BNC2: variants seen among roughly 807,000 people sequenced by gnomAD.
The protein encoded by BNC2 is basonuclin zinc finger protein 2.
BNC2 carries 20 observed loss-of-function variants against 76.3 expected under a neutral mutation model. The observed-to-expected ratio is 0.26, with a 90% CI of 0.18 to 0.38. BNC2 has a LOEUF of 0.38. Ranked by LOEUF, BNC2 falls within the 10% of genes least tolerant of loss-of-function variation. The pLI is 1.00. For missense variants in BNC2, 1,382 were observed against 1,399.8 expected, an observed-to-expected ratio of 0.99 and a Z score of 0.20; for synonymous variants, 582 against 514.8, an observed-to-expected ratio of 1.13 and a Z score of -1.77.
At chr9:16,424,284 G>A (rs1392023248) in intron 6 of BNC2, among the ~76,000 whole-genome samples, 1 of 150,608 alleles carries the variant, frequency 6.6e-6, no homozygotes, top group Non-Finnish European at 1.5e-5. Context: ...AAAAAAACAA[G>A]TTGCATGACC....
chr9:16,786,501 A>C (rs1182685687), intron 1 of BNC2, among the ~76,000 whole-genome samples: 1 of 152,212 alleles, frequency 6.6e-6, no homozygotes, highest in East Asian at 1.9e-4. Flanking sequence ...AAAGATCAAC[A>C]AATATTAAAG....
chr9:16,850,599 G>A (rs1239852636), intron 1 of BNC2, among the ~76,000 whole-genome samples: 4 of 152,150 alleles, frequency 2.6e-5, no homozygotes, highest in Non-Finnish European at 5.9e-5. Flanking sequence ...GCTGGGGGTG[G>A]TAGCCCATGC....
intron 1 of BNC2, among the ~76,000 whole-genome samples, chr9:16,841,506 A>G (rs1449724224): frequency 6.7e-6 from 1 of 148,962 alleles, no homozygotes; most frequent in Admixed American, 6.8e-5. Flanking sequence ...CTGTATGTCC[A>G]TAATCAAACC....
chr9:16,468,038 CTCTT>C (rs1821731715), intron 5 of BNC2, among the ~76,000 whole-genome samples: 1 of 146,180 alleles, frequency 6.8e-6, no homozygotes, highest in African/African-American at 2.6e-5. Context: ...TTCTTTCTTT[CTCTT>C]TTTTTTTTTT....
chr9:16,792,549 T>A (rs1817541959), intron 1 of BNC2, among the ~76,000 whole-genome samples: 1 of 152,210 alleles, frequency 6.6e-6, no homozygotes, highest in South Asian at 2.1e-4. Flanking sequence ...TGCAGAGATC[T>A]GAGAAGCTAG....
intron 3 of BNC2, among the ~76,000 whole-genome samples, chr9:16,639,595 C>A (rs535733728): frequency 4.6e-5 from 7 of 151,920 alleles, no homozygotes; most frequent in African/African-American, 1.7e-4. Context: ...ATGAACCTTA[C>A]AACAACACAT....
chr9:16,817,592 T>C (rs1459713416), intron 1 of BNC2, among the ~76,000 whole-genome samples: 2 of 152,180 alleles, frequency 1.3e-5, no homozygotes, highest in African/African-American at 2.4e-5. Flanking sequence ...CTGAGCAGTA[T>C]TGATGAAAGC....
intron 1 of BNC2, among the ~76,000 whole-genome samples, chr9:16,803,437 A>G (rs559038283): frequency 1.3e-5 from 2 of 152,364 alleles, no homozygotes; most frequent in South Asian, 2.1e-4. Context: ...TATCCAGCAC[A>G]TAGCAAGCCT....
At chr9:16,632,334 C>A (rs553001113) in intron 3 of BNC2, among the ~76,000 whole-genome samples, 2 of 152,094 alleles carry the variant, frequency 1.3e-5, no homozygotes, top group Non-Finnish European at 2.9e-5. Context: ...GGATCCCCCA[C>A]ATTCGGTAAT....
At chr9:16,675,394 C>T (rs1401057662) in intron 3 of BNC2, among the ~76,000 whole-genome samples, 1 of 152,042 alleles carries the variant, frequency 6.6e-6, no homozygotes, top group African/African-American at 2.4e-5. Context: ...GCTGGGACTA[C>T]AAGCACATGT....
chr9:16,827,260 C>G (rs1422710066), intron 1 of BNC2, among the ~76,000 whole-genome samples: 1 of 152,192 alleles, frequency 6.6e-6, no homozygotes, highest in African/African-American at 2.4e-5. Context: ...TAATGTGTAA[C>G]TAGGAGAAAC....
At chr9:16,705,350 G>C (rs927762436) in intron 3 of BNC2, among the ~76,000 whole-genome samples, 1 of 152,162 alleles carries the variant, frequency 6.6e-6, no homozygotes, top group African/African-American at 2.4e-5. Context: ...CAGCTTTGAC[G>C]GGAAAGGAGT....
intron 3 of BNC2, among the ~76,000 whole-genome samples, chr9:16,659,333 C>T (rs946786245): frequency 1.6e-4 from 25 of 152,128 alleles, no homozygotes; most frequent in East Asian, 3.9e-4. Context: ...AAGCTTGCGG[C>T]GGGCACAGTG....
intron 3 of BNC2, among the ~76,000 whole-genome samples, chr9:16,667,510 G>A (rs556202175): frequency 1.3e-5 from 2 of 152,164 alleles, no homozygotes; most frequent in African/African-American, 2.4e-5. Flanking sequence ...ATCCTTAACA[G>A]TCCAAGAAAG....
chr9:16,792,487 G>A (rs1817540445), intron 1 of BNC2, among the ~76,000 whole-genome samples: 1 of 152,202 alleles, frequency 6.6e-6, no homozygotes, highest in Non-Finnish European at 1.5e-5. Flanking sequence ...TTGCCAGTTA[G>A]TTCTGCTGGG....
rs371642696 is a variant in BNC2 at position 16,518,658 on chromosome 9, T to C, written c.669+33872A>G. On this transcript the variant is annotated intron_variant, in intron 5 of 6. Coordinates refer to ENST00000380672, the MANE Select transcript of BNC2 (RefSeq NM_017637.6). ...GAGACAGAGTCTTGCTGGAGTGCAGTAGCACCGTCTTGGCTCACTGCAACC... is the reference window on the plus strand; with the variant it reads ...GAGACAGAGTCTTGCTGGAGTGCAGCAGCACCGTCTTGGCTCACTGCAACC... 5.9e-5 allele frequency among the ~76,000 whole-genome samples: 9 copies of C among 152,246 alleles called. No homozygotes were observed. In the East Asian group the frequency reaches 1.5e-3, roughly 26 times the overall value.
intron 3 of BNC2, among the ~76,000 whole-genome samples, chr9:16,657,716 T>A (rs1221326503): frequency 6.7e-6 from 1 of 148,702 alleles, no homozygotes; most frequent in African/African-American, 2.6e-5. Context: ...TATAATGGAA[T>A]AATGTGCAGA....
chr9:16,568,260 A>G (rs953185872), intron 4 of BNC2, among the ~76,000 whole-genome samples: 1 of 152,264 alleles, frequency 6.6e-6, no homozygotes, highest in South Asian at 2.1e-4. Context: ...TCTTTCCACG[A>G]TTACTTTAAG....
chr9:16,568,290 G>C (rs1267650675), intron 4 of BNC2, among the ~76,000 whole-genome samples: 1 of 152,062 alleles, frequency 6.6e-6, no homozygotes, highest in African/African-American at 2.4e-5. Flanking sequence ...AGTTGTTAGC[G>C]ATGAGATTTT....
Sources: gnomAD v4.1 joint callset for allele counts (sites outside exome capture counted in the v4.1 genomes callset) on GRCh38, gnomAD v4.1.1 for gene constraint, MANE v1.5 for transcripts, NCBI Gene and HGNC (gene_info 2026-07-23, HGNC 2026-07-21) for gene names.